Variants in ATP2B2 observed in about 807,000 individuals in gnomAD.
ATP2B2 encodes ATPase plasma membrane Ca2+ transporting 2.
Under a neutral mutation model 120.0 loss-of-function variants are expected in ATP2B2, and 15 were observed. The observed-to-expected ratio is 0.12, with a 90% CI of 0.08 to 0.19. ATP2B2 has a LOEUF of 0.19. Ranked by LOEUF, ATP2B2 falls within the 10% of genes least tolerant of loss-of-function variation. The pLI is 1.00. For missense variants in ATP2B2, 1,045 were observed against 1,719.8 expected, an observed-to-expected ratio of 0.61 and a Z score of 6.94; for synonymous variants, 694 against 700.3, an observed-to-expected ratio of 0.99 and a Z score of 0.14.
At chr3:10,588,573 C>T (rs1206307679) in intron 2 of ATP2B2, among the ~76,000 whole-genome samples, 2 of 152,128 alleles carry the variant, frequency 1.3e-5, no homozygotes, top group East Asian at 1.9e-4. Context: ...ATCTCTGGGC[C>T]GGCATCATCC....
intron 2 of ATP2B2, among the ~76,000 whole-genome samples, chr3:10,536,523 C>A (rs1160365067): frequency 6.6e-6 from 1 of 151,020 alleles, no homozygotes; most frequent in Non-Finnish European, 1.5e-5. Context: ...CTCCTCCTTT[C>A]TTCTTTCTTC....
intron 3 of ATP2B2, among the ~76,000 whole-genome samples, chr3:10,529,761 TG>T (rs1375511865): frequency 6.6e-6 from 1 of 152,074 alleles, no homozygotes; most frequent in Non-Finnish European, 1.5e-5. Context: ...TTTACAGAGG[TG>T]ATCAAGTTAA....
chr3:10,666,726 G>A (rs561145971), intron 1 of ATP2B2, among the ~76,000 whole-genome samples: 64 of 152,172 alleles, frequency 4.2e-4, no homozygotes, highest in Non-Finnish European at 7.9e-4. Flanking sequence ...CTCCAGCTCC[G>A]GAGGCCCCTA....
intron 12 of ATP2B2, among the ~76,000 whole-genome samples, chr3:10,365,281 C>T (rs1219553399): frequency 2.0e-5 from 3 of 152,256 alleles, no homozygotes; most frequent in Admixed American, 2.0e-4. Flanking sequence ...TGCCATAGGG[C>T]CTCCAGTGAA....
In ATP2B2 at chr3:10,385,127, A is replaced by G. The variant is rs1045285967; in HGVS notation, c.1000+141T>C. The stretch of plus-strand genomic sequence containing the variant: ...GGCTCCTGTCTTAAGCGCCTGCCCC[A>G]TGTGAGAAGGTGACTGTCCCAGCGG... On this transcript the variant is annotated intron_variant, in intron 8 of 22. Transcript: ENST00000360273. 4.8e-6 allele frequency: 4 copies of G among 841,484 alleles called. No individual in the cohort carries two copies. In the Admixed American group the frequency reaches 8.0e-5, roughly 17 times the overall value. The allele number at this position is 841,484 out of a possible 1,614,324, so 52.1% of individuals were successfully genotyped here. A position where few individuals can be genotyped will look rare whatever the true frequency, so the allele number is the denominator to read the frequency against.
intron 2 of ATP2B2, among the ~76,000 whole-genome samples, chr3:10,534,986 C>A (rs2067283241): frequency 7.4e-6 from 1 of 136,022 alleles, no homozygotes; most frequent in Non-Finnish European, 1.5e-5. Context: ...TCACTGAGAT[C>A]TCTGCCTCCC....
chr3:10,371,781 G>T (rs768880517), intron 12 of ATP2B2, 28 bp downstream of exon 12: 2 of 1,614,120 alleles, frequency 1.2e-6, no homozygotes, highest in African/African-American at 1.3e-5. Context: ...GTTGCTCCAG[G>T]TGGTGGATGT....
chr3:10,444,990 C>CT, intron 2 of ATP2B2, among the ~76,000 whole-genome samples: 2 of 152,370 alleles, frequency 1.3e-5, no homozygotes, highest in South Asian at 4.1e-4. Context: ...GCCTCTAGGC[C>CT]TCCCGGACCA....
intron 1 of ATP2B2, among the ~76,000 whole-genome samples, chr3:10,678,113 C>T (rs1021176661): frequency 1.3e-5 from 2 of 152,218 alleles, no homozygotes; most frequent in African/African-American, 4.8e-5. Context: ...TGCAGGTAGA[C>T]ACCAATGTGC....
intron 2 of ATP2B2, among the ~76,000 whole-genome samples, chr3:10,601,858 T>A (rs1277356528): frequency 6.6e-6 from 1 of 152,156 alleles, no homozygotes; most frequent in Non-Finnish European, 1.5e-5. Flanking sequence ...ATCCCCCAAG[T>A]CCCTTCCAGC....
chr3:10,400,930 C>A lies in ATP2B2; in HGVS notation c.781+23G>T. Reference sequence around the variant, plus strand: ...CCCTGTGCATGGCGACGGGAATGGGCCCAACATCAGGCTGAAGCTCACCTG... The same window carrying A: ...CCCTGTGCATGGCGACGGGAATGGGACCAACATCAGGCTGAAGCTCACCTG... On this transcript the variant is annotated intron_variant, in intron 5 of 22. Transcript: ENST00000360273. 1.9e-6 allele frequency: 3 copies of A among 1,613,704 alleles called. No homozygotes were observed. The South Asian group carries it at 3.3e-5, about 18-fold the overall frequency.
chr3:10,357,175 C>T (rs746498161), intron 14 of ATP2B2, among the ~76,000 whole-genome samples: 1 of 152,128 alleles, frequency 6.6e-6, no homozygotes, highest in Non-Finnish European at 1.5e-5. Flanking sequence ...AGGGGACCCA[C>T]GTATGTAGGC....
intron 2 of ATP2B2, among the ~76,000 whole-genome samples, chr3:10,572,549 G>A (rs764158695): frequency 2.0e-5 from 3 of 152,206 alleles, no homozygotes; most frequent in Non-Finnish European, 2.9e-5. Context: ...ATACCACATA[G>A]TGCCTGGCAC....
intron 2 of ATP2B2, among the ~76,000 whole-genome samples, chr3:10,448,600 G>A (rs2063921191): frequency 6.6e-6 from 1 of 152,174 alleles, no homozygotes; most frequent in African/African-American, 2.4e-5. Context: ...TTCCAGGCCT[G>A]CTCAATTTTG....
intron 22 of ATP2B2, among the ~76,000 whole-genome samples, chr3:10,334,778 G>T (rs775259793): frequency 6.6e-6 from 1 of 150,948 alleles, no homozygotes; most frequent in Non-Finnish European, 1.5e-5. Flanking sequence ...TGAGGGAGGC[G>T]CTCCCACCAG....
intron 2 of ATP2B2, among the ~76,000 whole-genome samples, chr3:10,573,821 C>T (rs1299820140): frequency 6.6e-6 from 1 of 152,160 alleles, no homozygotes; most frequent in African/African-American, 2.4e-5. Context: ...TGACTAAACT[C>T]ATCTAAAAAG....
chr3:10,609,239 C>T (rs2125605001), intron 2 of ATP2B2, among the ~76,000 whole-genome samples: 1 of 151,826 alleles, frequency 6.6e-6, no homozygotes, highest in South Asian at 2.1e-4. Flanking sequence ...GCAGGCCTCT[C>T]CTGTGCCCTG....
intron 3 of ATP2B2, among the ~76,000 whole-genome samples, chr3:10,515,568 T>A (rs2066861457): frequency 6.6e-6 from 1 of 152,118 alleles, no homozygotes; most frequent in Non-Finnish European, 1.5e-5. Flanking sequence ...AACCCACCCA[T>A]CAGCCTCTGC....
chr3:10,648,703 G>A (rs1320271593), intron 1 of ATP2B2, among the ~76,000 whole-genome samples: 1 of 152,128 alleles, frequency 6.6e-6, no homozygotes, highest in Non-Finnish European at 1.5e-5. Flanking sequence ...ATGTCATCCA[G>A]AGACATAACC....
Sources: allele counts gnomAD v4.1 joint callset (sites outside exome capture counted in the v4.1 genomes callset), GRCh38; gene constraint gnomAD v4.1.1; transcripts MANE v1.5; gene names NCBI Gene and HGNC (gene_info 2026-07-23, HGNC 2026-07-21).